CSMD1: variants seen among roughly 807,000 people sequenced by gnomAD.
The protein encoded by CSMD1 is CUB and Sushi multiple domains 1.
CSMD1 carries 213 observed loss-of-function variants against 417.5 expected under a neutral mutation model. That is an observed-to-expected ratio of 0.51 (90% confidence interval 0.46 to 0.57). CSMD1 has a LOEUF of 0.57. Ranked by LOEUF, CSMD1 falls within the 20% of genes least tolerant of loss-of-function variation. CSMD1 has a pLI of 0.00. For synonymous variants in CSMD1, 2,862 were observed against 1,736.8 expected (o/e 1.65, Z -16.11); for missense variants, 6,923 against 4,529.7 (o/e 1.53, Z -15.17).
intron 10 of CSMD1, among the ~76,000 whole-genome samples, chr8:3,538,269 C>A (rs1798286759): frequency 6.6e-6 from 1 of 152,204 alleles, no homozygotes; most frequent in African/African-American, 2.4e-5. Context: ...AGATGCTTCA[C>A]CTTCAGTGGT....
intron 2 of CSMD1, among the ~76,000 whole-genome samples, chr8:4,599,554 A>AT (rs1800473859): frequency 6.6e-6 from 1 of 152,184 alleles, no homozygotes. Context: ...AATTACAAAA[A>AT]AAAATCTCAT....
intron 1 of CSMD1, among the ~76,000 whole-genome samples, chr8:4,699,230 A>G (rs942929741): frequency 2.0e-5 from 3 of 152,186 alleles, no homozygotes; most frequent in African/African-American, 7.2e-5. Flanking sequence ...TCCTTTGCTT[A>G]AAGGATAACT....
intron 26 of CSMD1, among the ~76,000 whole-genome samples, chr8:3,234,421 A>T (rs139007223): frequency 1.1e-4 from 16 of 152,268 alleles, no homozygotes; most frequent in African/African-American, 3.8e-4. Flanking sequence ...TCTCGTCATT[A>T]TCAGTATTAT....
At chr8:3,311,370 C>T (rs1805329226) in intron 23 of CSMD1, among the ~76,000 whole-genome samples, 2 of 152,236 alleles carry the variant, frequency 1.3e-5, no homozygotes, top group South Asian at 4.1e-4. Flanking sequence ...CTGCCTCAGC[C>T]TCCTGAATAG....
chr8:4,172,853 G>A (rs1024302701), intron 3 of CSMD1, among the ~76,000 whole-genome samples: 24 of 152,106 alleles, frequency 1.6e-4, no homozygotes, highest in Non-Finnish European at 2.9e-5. Context: ...GCTGTCCACA[G>A]CCGTGTGCGT....
intron 7 of CSMD1, among the ~76,000 whole-genome samples, chr8:3,693,715 T>C (rs927711764): frequency 2.6e-5 from 4 of 152,138 alleles, no homozygotes; most frequent in Admixed American, 2.0e-4. Flanking sequence ...AGAAAATGTA[T>C]GTGTTGTGTG....
At chr8:3,079,871 C>T (rs1391917118) in intron 49 of CSMD1, among the ~76,000 whole-genome samples, 2 of 152,068 alleles carry the variant, frequency 1.3e-5, no homozygotes, top group Non-Finnish European at 2.9e-5. Context: ...AAGAGATACA[C>T]ACAGACATAT....
chr8:4,438,180 C>T (rs1798254658), intron 2 of CSMD1, among the ~76,000 whole-genome samples: 2 of 152,134 alleles, frequency 1.3e-5, no homozygotes, highest in Non-Finnish European at 2.9e-5. Flanking sequence ...TCTTAAAAAA[C>T]TCATAAACAT....
At chr8:4,534,562 T>G (rs1797003851) in intron 2 of CSMD1, among the ~76,000 whole-genome samples, 1 of 152,060 alleles carries the variant, frequency 6.6e-6, no homozygotes, top group Non-Finnish European at 1.5e-5. Flanking sequence ...ACCCAATAGG[T>G]AGTTTTTCAA....
At chr8:4,121,642 G>A (rs2130945073) in intron 3 of CSMD1, among the ~76,000 whole-genome samples, 2 of 148,708 alleles carry the variant, frequency 1.3e-5, no homozygotes, top group East Asian at 3.9e-4. Context: ...AAAGAAGTGG[G>A]AATTCTTAGG....
At chr8:3,501,488 A>T (rs552015053) in intron 10 of CSMD1, among the ~76,000 whole-genome samples, 8 of 152,198 alleles carry the variant, frequency 5.3e-5, no homozygotes, top group East Asian at 1.9e-4. Flanking sequence ...GCACAATATA[A>T]ATCAGTACCA....
In CSMD1 at chr8:3,575,187, A is replaced by T. The variant is rs867124868; in HGVS notation, c.1223-121T>A. The T allele has an allele frequency of 7.2e-6, 5 of 692,198 alleles. No individual in the cohort carries two copies. The Admixed American group carries it at 9.5e-5, about 13-fold the overall frequency. The allele number at this position is 692,198 out of a possible 1,614,324, so 42.9% of individuals were successfully genotyped here. Reference sequence around the variant, plus strand: ...AATCACAGTAAAAAAAAAAAAAAAAATGGTGCATGGACTCCAACTGGGGCA... The same window carrying T: ...AATCACAGTAAAAAAAAAAAAAAAATTGGTGCATGGACTCCAACTGGGGCA... On this transcript the variant is annotated intron_variant, in intron 9 of 69. Coordinates refer to ENST00000635120, the MANE Select transcript of CSMD1 (RefSeq NM_033225.6).
chr8:3,678,813 AG>A (rs2117590226), intron 7 of CSMD1, among the ~76,000 whole-genome samples: 1 of 152,338 alleles, frequency 6.6e-6, no homozygotes, highest in East Asian at 1.9e-4. Context: ...CACAAAGGGA[AG>A]CCCATCAGAC....
chr8:3,636,847 T>C (rs1412115207), intron 7 of CSMD1, among the ~76,000 whole-genome samples: 1 of 152,224 alleles, frequency 6.6e-6, no homozygotes, highest in East Asian at 1.9e-4. Context: ...TAAATGTCCC[T>C]TCCAAGACTC....
In CSMD1 at chr8:4,258,990, G is replaced by C. The variant is rs76342848; in HGVS notation, c.415+160963C>G. Among the ~76,000 whole-genome samples, 492 of 152,286 alleles carry C rather than the reference G, an allele frequency of 3.2e-3. 1 individual carries two copies. Among genetic ancestry groups the C allele is most frequent in the African/African-American group, 0.011 (466 of 41,558 alleles). On this transcript the variant is annotated intron_variant, in intron 3 of 69. Coordinates refer to ENST00000635120, the MANE Select transcript of CSMD1 (RefSeq NM_033225.6). ...TAAATGTCTAACTAAGACTTTAAAA[G>C]ATTTCCTGCAGAAGAGACGTTTGTT...
At chr8:4,634,477 T>C (rs1466100652) in intron 2 of CSMD1, among the ~76,000 whole-genome samples, 2 of 152,218 alleles carry the variant, frequency 1.3e-5, no homozygotes, top group Non-Finnish European at 1.5e-5. Flanking sequence ...TTTCAGTTAA[T>C]GCACATTTTA....
intron 5 of CSMD1, among the ~76,000 whole-genome samples, chr8:3,877,341 G>C (rs1321889957): frequency 1.3e-5 from 2 of 152,190 alleles, no homozygotes; most frequent in African/African-American, 4.8e-5. Context: ...TCCATGATGG[G>C]GGAGGCATGT....
chr8:3,418,131 C>A (rs117237818), intron 12 of CSMD1, among the ~76,000 whole-genome samples: 1 of 152,202 alleles, frequency 6.6e-6, no homozygotes, highest in Non-Finnish European at 1.5e-5. Flanking sequence ...CTTTGTTTGA[C>A]TGAAACAAGA....
rs554867439 is a variant in CSMD1, at chr8:3,477,164, G to A, written c.1449-8340C>T. ...TGAAGAAAAATTCTGCATGTGTCAC[G>A]AAGCTGTCAAAATACAACACTAATA... On this transcript the variant is annotated intron_variant, in intron 11 of 69. Coordinates refer to ENST00000635120, the MANE Select transcript of CSMD1 (RefSeq NM_033225.6). 1.2e-3 allele frequency among the ~76,000 whole-genome samples: 177 copies of A among 152,216 alleles called. 1 individual carries two copies. The highest frequency in any genetic ancestry group is 2.0e-3 in the Non-Finnish European group (137 of 68,024).
Sources: gnomAD v4.1 joint callset for allele counts (sites outside exome capture counted in the v4.1 genomes callset) on GRCh38, gnomAD v4.1.1 for gene constraint, MANE v1.5 for transcripts, NCBI Gene and HGNC (gene_info 2026-07-23, HGNC 2026-07-21) for gene names.